ENTREP2: variants seen among roughly 807,000 people sequenced by gnomAD.
ENTREP2 encodes the protein endosomal transmembrane epsin interactor 2, also known as protein ENTREP2.
At chr15:29,441,236 T>C in the ENTREP2 span, among the ~76,000 whole-genome samples, 1 of 152,178 alleles carries the variant, frequency 6.6e-6, no homozygotes, top group South Asian at 2.1e-4. Flanking sequence ...GTGACTCCAC[T>C]TCTGTGAGGT....
At chr15:29,353,877 T>TA in the ENTREP2 span, among the ~76,000 whole-genome samples, 2 of 152,078 alleles carry the variant, frequency 1.3e-5, no homozygotes, top group East Asian at 1.9e-4. Context: ...CAGTAAGAAA[T>TA]AGAGTCTGTA....
At chr15:29,234,538 G>A in the ENTREP2 span, 1 of 1,372,758 alleles carries the variant, frequency 7.3e-7, no homozygotes. Context: ...GTATTGGTGG[G>A]CAAATAGCAA....
At chr15:29,355,188 C>A in the ENTREP2 span, among the ~76,000 whole-genome samples, 2 of 152,298 alleles carry the variant, frequency 1.3e-5, no homozygotes, top group East Asian at 3.9e-4. Flanking sequence ...CAGGGCAGCT[C>A]TCAGCTATGG....
At chr15:29,623,215 G>T in the ENTREP2 span, among the ~76,000 whole-genome samples, 562 of 152,288 alleles carry the variant, frequency 3.7e-3, 1 homozygote, top group Non-Finnish European at 5.7e-3. Context: ...TCTCAACGCT[G>T]AAACACACAC....
At chr15:29,439,471 C>T in the ENTREP2 span, among the ~76,000 whole-genome samples, 1 of 152,052 alleles carries the variant, frequency 6.6e-6, no homozygotes, top group Non-Finnish European at 1.5e-5. Flanking sequence ...ATATTAATGT[C>T]ACAATGACTA....
chr15:29,225,139 T>G, the ENTREP2 span, among the ~76,000 whole-genome samples: 192 of 151,868 alleles, frequency 1.3e-3, 1 homozygote, highest in African/African-American at 4.3e-3. Context: ...CCTCCACACC[T>G]CCCTGCAAGC....
chr15:29,281,959 C>T, the ENTREP2 span, among the ~76,000 whole-genome samples: 3 of 152,156 alleles, frequency 2.0e-5, no homozygotes, highest in African/African-American at 7.2e-5. Flanking sequence ...CTCTCTAAGG[C>T]AAAGAGATAT....
At chr15:29,209,278 G>A in the ENTREP2 span, among the ~76,000 whole-genome samples, 1 of 152,142 alleles carries the variant, frequency 6.6e-6, no homozygotes, top group African/African-American at 2.4e-5. Context: ...AAGGTGGGCA[G>A]ACTGCCTGAG....
the ENTREP2 span, among the ~76,000 whole-genome samples, chr15:29,158,928 T>G: frequency 6.6e-6 from 1 of 152,196 alleles, no homozygotes; most frequent in Non-Finnish European, 1.5e-5. Flanking sequence ...CTCTCCAGTC[T>G]ACGTAAGTTA....
the ENTREP2 span, among the ~76,000 whole-genome samples, chr15:29,286,329 C>T: frequency 2.0e-5 from 3 of 152,046 alleles, no homozygotes; most frequent in African/African-American, 7.2e-5. Flanking sequence ...CAAAGTAGCT[C>T]GATATAAGGT....
chr15:29,661,828 C>T, the ENTREP2 span, among the ~76,000 whole-genome samples: 3 of 152,138 alleles, frequency 2.0e-5, no homozygotes, highest in South Asian at 6.2e-4. Context: ...CATTTCAATA[C>T]AAACGTAGTC....
At chr15:29,644,097 AT>A in the ENTREP2 span, among the ~76,000 whole-genome samples, 2,592 of 152,300 alleles carry the variant, frequency 0.017, 64 homozygotes, top group African/African-American at 0.059. Flanking sequence ...ACTGGATATC[AT>A]TTGTCAAGAA....
chr15:29,482,470 C>T, the ENTREP2 span, among the ~76,000 whole-genome samples: 1 of 152,144 alleles, frequency 6.6e-6, no homozygotes, highest in East Asian at 1.9e-4. Flanking sequence ...GAGACAGTTT[C>T]ACTGCTCTCT....
chr15:29,165,126 G>A, the ENTREP2 span, among the ~76,000 whole-genome samples: 2 of 151,960 alleles, frequency 1.3e-5, no homozygotes, highest in African/African-American at 4.8e-5. Context: ...CGAACTGAAC[G>A]ACAATAATGA....
At chr15:29,620,930 G>T in the ENTREP2 span, among the ~76,000 whole-genome samples, 1 of 152,094 alleles carries the variant, frequency 6.6e-6, no homozygotes, top group African/African-American at 2.4e-5. Flanking sequence ...ACATGCAAAA[G>T]ATGCAGCCTG....
the ENTREP2 span, among the ~76,000 whole-genome samples, chr15:29,470,236 C>T: frequency 3.9e-5 from 6 of 152,188 alleles, no homozygotes; most frequent in Non-Finnish European, 7.3e-5. Flanking sequence ...TCGGTGCCCC[C>T]CACTGCCACG....
At chr15:29,412,059 T>C in the ENTREP2 span, among the ~76,000 whole-genome samples, 2 of 152,196 alleles carry the variant, frequency 1.3e-5, no homozygotes, top group African/African-American at 4.8e-5. Flanking sequence ...CCTATGGCTC[T>C]GTCATATAAT....
chr15:29,319,759 A>T, the ENTREP2 span, among the ~76,000 whole-genome samples: 2 of 152,160 alleles, frequency 1.3e-5, no homozygotes, highest in African/African-American at 4.8e-5. Context: ...CCCGGCTGAG[A>T]TCTGCTCACC....
At chr15:29,169,292 A>T in the ENTREP2 span, among the ~76,000 whole-genome samples, 1 of 152,354 alleles carries the variant, frequency 6.6e-6, no homozygotes, top group African/African-American at 2.4e-5. Context: ...AATGAAGAAA[A>T]TAAACAAGCA....
Sources: gnomAD v4.1 joint callset for allele counts (sites outside exome capture counted in the v4.1 genomes callset) on GRCh38, gnomAD v4.1.1 for gene constraint, MANE v1.5 for transcripts, NCBI Gene and HGNC (gene_info 2026-07-23, HGNC 2026-07-21) for gene names.